DISP2: variants seen among roughly 807,000 people sequenced by gnomAD.
DISP2 encodes the protein dispatched RND transporter family member 2.
DISP2 carries 59 observed loss-of-function variants against 95.5 expected under a neutral mutation model. The observed-to-expected ratio is 0.62, with a 90% CI of 0.50 to 0.77. DISP2 has a LOEUF of 0.77. DISP2 is among the 30% of genes least tolerant of loss of function. The pLI, the probability that DISP2 is intolerant of heterozygous loss-of-function variation, is 0.00. For synonymous variants in DISP2, 827 were observed against 815.0 expected (o/e 1.01, Z -0.25); for missense variants, 1,752 against 1,854.6 (o/e 0.94, Z 1.02).
At position 40,358,426 on chromosome 15, in the gene DISP2, C is replaced by T; in HGVS notation, c.105C>T (p.Gly35=). The T allele has an allele frequency of 7.6e-7, 1 of 1,323,674 alleles. No homozygotes were observed. The highest frequency in any genetic ancestry group is 9.6e-7 in the Non-Finnish European group (1 of 1,037,000). The allele number at this position is 1,323,674 out of a possible 1,614,324, so 82.0% of individuals were successfully genotyped here. ...AGGGGGAGCCCTTGGCCCCAGACGG[C>T]GGCTCCCCGGACAGGTAGGGCGGAC... ...RPEGEPLAPD[G]GSPDSTQTKA... Residue 35 remains glycine, a synonymous_variant, in exon 1 of 8, where the codon GGC becomes GGT. Transcript: ENST00000267889.
rs1445107917 is a variant in DISP2 at position 40,368,377 on chromosome 15, G to A, written c.2265G>A (p.Gln755=). The change falls in exon 8 of 8, where the codon CAG becomes CAA. Residue 755 remains glutamine, a synonymous_variant. Coordinates refer to ENST00000267889, the MANE Select transcript of DISP2 (RefSeq NM_033510.3). ...AGCGCTTCGACGCGGAGTATCGCCA[G>A]CTGTTCCTGTTCGAGCAGCTGCCGC... ...PFERFDAEYR[Q]LFLFEQLPQG... The A allele has an allele frequency of 6.2e-7, 1 of 1,607,260 alleles. No homozygotes were observed. The highest frequency in any genetic ancestry group is 1.7e-5 in the Admixed American group (1 of 60,008).
Position 40,358,329 on chromosome 15 carries a change from G to C in DISP2, c.8G>C (p.Gly3Ala). The part of the protein sequence containing the change: MD[G>A]DSSSSSGGSG... ...GCGGTGCCGCCCACGGGCATGGACG[G>C]TGACAGCAGCAGCAGCAGCGGCGGC... is the stretch of plus-strand genomic sequence containing the variant. The change falls in exon 1 of 8, where the codon GGT becomes GCT. Residue 3 changes from glycine to alanine, a missense_variant. This residue lies in a region of DISP2 where 342 missense variants were observed against 364.3 expected (regional missense o/e 0.94). Coordinates refer to ENST00000267889, the MANE Select transcript of DISP2 (RefSeq NM_033510.3). 7.2e-7 allele frequency: 1 copy of C among 1,387,364 alleles called. No homozygotes were observed. 85.9% of individuals were successfully genotyped at this position (1,387,364 alleles called of 1,614,324 possible).
rs1257491089 is a variant in DISP2, at chr15:40,375,073, A to T, written c.*4755A>T. The T allele has an allele frequency of 6.6e-6, 1 of 152,222 alleles. No individual in the cohort carries two copies. The highest frequency in any genetic ancestry group is 1.5e-5 in the Non-Finnish European group (1 of 68,040). 9.4% of individuals were successfully genotyped at this position (152,222 alleles called of 1,614,324 possible). A position where few individuals can be genotyped will look rare whatever the true frequency, so the allele number is the denominator to read the frequency against. On this transcript the variant is annotated 3_prime_UTR_variant, in exon 8 of 8. Transcript: ENST00000267889. Reference sequence around the variant, plus strand: ...ACCCACACCCTTGTTCACAGGGATGACTGTAACTAAGGTCTGCAGGTATTT... The same window carrying T: ...ACCCACACCCTTGTTCACAGGGATGTCTGTAACTAAGGTCTGCAGGTATTT...
Position 40,370,258 on chromosome 15 carries a change from A to C in DISP2, c.4146A>C (p.Pro1382=). 1.9e-6 allele frequency: 3 copies of C among 1,570,444 alleles called. No homozygotes were observed. Among genetic ancestry groups the C allele is most frequent in the Non-Finnish European group, 2.6e-6 (3 of 1,158,656 alleles). Residue 1382 remains proline, a synonymous_variant, in exon 8 of 8, where the codon CCA becomes CCC. Coordinates refer to ENST00000267889, the MANE Select transcript of DISP2 (RefSeq NM_033510.3). ...CTGTGGTGCTGCCCAATAGCCAGCC[A>C]GACCTGCCAGATGTTTGGCTGCGCA... ...GSPVVLPNSQ[P]DLPDVWLRRP...
At chr15:40,359,706 G>T (rs73397383) in intron 1 of DISP2, among the ~76,000 whole-genome samples, 190 of 152,352 alleles carry the variant, frequency 1.2e-3, no homozygotes, top group African/African-American at 4.4e-3. Context: ...GGGGCCTCTG[G>T]CCCCTCTCTG....
At position 40,370,415 on chromosome 15, in the gene DISP2, C is replaced by G. The variant is rs1398169988; in HGVS notation, c.*97C>G. The G allele has an allele frequency of 2.7e-6, 4 of 1,483,642 alleles. No individual in the cohort carries two copies. In the South Asian group the frequency reaches 4.0e-5, roughly 15 times the overall value. 91.9% of individuals were successfully genotyped at this position (1,483,642 alleles called of 1,614,324 possible). On this transcript the variant is annotated 3_prime_UTR_variant, in exon 8 of 8. Transcript: ENST00000267889. ...GGAGCCCGAAGGTATTTCTCCAGAT[C>G]CACAGGGAGAGGTCTCACCCTCCAG...
In DISP2 at chr15:40,374,014, A is replaced by AAAAAAAAAAAAAAAAATATAT; in HGVS notation, c.*3697_*3698insAAAAAAAAAAAAAAATATATA. 3 of 104,204 alleles carry AAAAAAAAAAAAAAAAATATAT rather than the reference A, an allele frequency of 2.9e-5. No individual in the cohort carries two copies. Among genetic ancestry groups the AAAAAAAAAAAAAAAAATATAT allele is most frequent in the East Asian group, 4.9e-4 (2 of 4,050 alleles). 6.5% of individuals were successfully genotyped at this position (104,204 alleles called of 1,614,324 possible). On this transcript the variant is annotated 3_prime_UTR_variant, in exon 8 of 8. Coordinates refer to ENST00000267889, the MANE Select transcript of DISP2 (RefSeq NM_033510.3). ...GCGAGACTCCATCTTAAAAAAAAAA[A>AAAAAAAAAAAAAAAAATATAT]ATATATATATATATATATGTAAACT...
At position 40,367,893 on chromosome 15, in the gene DISP2, T is replaced by C; in HGVS notation, c.1781T>C (p.Leu594Pro). 2.5e-6 allele frequency: 4 copies of C among 1,598,732 alleles called. No individual in the cohort carries two copies. Among genetic ancestry groups the C allele is most frequent in the Non-Finnish European group, 2.5e-6 (3 of 1,179,480 alleles). The change falls in exon 8 of 8, where the codon CTG (leucine) becomes CCG (proline). Residue 594 changes from leucine to proline, a missense_variant. By Grantham distance (98) the Leu-to-Pro change is moderately conservative. Transcript: ENST00000267889. ...RTMHHFGYLL[L>P]VSGLTTSAAF... Reference sequence around the variant, plus strand: ...ATGCACCACTTCGGCTACCTGCTGCTGGTCTCCGGCCTCACCACGAGCGCG... The same window carrying C: ...ATGCACCACTTCGGCTACCTGCTGCCGGTCTCCGGCCTCACCACGAGCGCG...
At chr15:40,364,041 CCTTT>C in intron 2 of DISP2, 87 bp downstream of exon 2, 4 of 1,487,604 alleles carry the variant, frequency 2.7e-6, no homozygotes, top group Non-Finnish European at 2.7e-6. Context: ...GCTCTAGACT[CCTTT>C]CTTAGGAGGC....
intron 1 of DISP2, among the ~76,000 whole-genome samples, chr15:40,361,450 T>G (rs117562005): frequency 1.3e-5 from 2 of 152,194 alleles, no homozygotes; most frequent in Non-Finnish European, 2.9e-5. Flanking sequence ...ATATGTTACA[T>G]CAGTTAATTC....
intron 7 of DISP2, among the ~76,000 whole-genome samples, chr15:40,366,002 G>A (rs1889492602): frequency 6.6e-6 from 1 of 152,260 alleles, no homozygotes; most frequent in Non-Finnish European, 1.5e-5. Context: ...CTCCAGAGCG[G>A]GTGAGGAGGC....
rs777603444 is a variant in DISP2 at position 40,365,169 on chromosome 15, A to G, written c.742A>G (p.Arg248Gly). 2.5e-6 allele frequency: 4 copies of G among 1,613,946 alleles called. No homozygotes were observed. In the African/African-American group the frequency reaches 5.3e-5, roughly 22 times the overall value. Residue 248 changes from arginine to glycine, a missense_variant, in exon 6 of 8, where the codon AGG becomes GGG. By Grantham distance (125) the Arg-to-Gly change is moderately radical. Around this residue, in one of 5 missense-constraint regions of DISP2, gnomAD observed 342 missense variants for 364.3 expected, o/e 0.94. Coordinates refer to ENST00000267889, the MANE Select transcript of DISP2 (RefSeq NM_033510.3). ...LNSSSSHNTL[R>G]PAPRGSAQES... ...CAGCTCGAGCTCCCACAACACTCTG[A>G]GGCCTGCACCCAGAGGCAGTGCCCA...
Position 40,370,152 on chromosome 15 carries a change from C to G in DISP2, c.4040C>G (p.Thr1347Arg). The change falls in exon 8 of 8, where the codon ACA becomes AGA. Residue 1347 changes from threonine (T) to arginine (R), a missense_variant. Thr to Arg is a moderately conservative substitution (Grantham distance 71). Around this residue, in one of 5 missense-constraint regions of DISP2, gnomAD observed 347 missense variants for 344.2 expected, o/e 1.01. Transcript: ENST00000267889. ...ACCCTGTGGCTGGCGCTGAGGGAGA[C>G]AGTGTATGACCCATCATTGCCCGCT... ...RDTLWLALRE[T>R]VYDPSLPASH... is the part of the protein sequence containing the mutation. 1 of 1,609,544 alleles carries G rather than the reference C, an allele frequency of 6.2e-7. No individual in the cohort carries two copies. Among genetic ancestry groups the G allele is most frequent in the Non-Finnish European group, 8.5e-7 (1 of 1,177,560 alleles).
At position 40,363,905 on chromosome 15, in the gene DISP2, G is replaced by A. The variant is rs149658212; in HGVS notation, c.400G>A (p.Asp134Asn). 71 of 1,563,692 alleles carry A rather than the reference G, an allele frequency of 4.5e-5. No individual in the cohort carries two copies. In the African/African-American group the frequency reaches 5.4e-4, roughly 12 times the overall value. Residue 134 changes from aspartate (D) to asparagine (N), a missense_variant, in exon 2 of 8, where the codon GAT becomes AAT. Asp to Asn is a conservative substitution (Grantham distance 23). Around this residue, in one of 5 missense-constraint regions of DISP2, gnomAD observed 342 missense variants for 364.3 expected, o/e 0.94. Transcript: ENST00000267889. ...CCCTTCTCCAGCCCCCTCACAGCGC[G>A]ATGGGACCTGGAAGCCACCCGCTGT... ...LSPSPAPSQRDGTWKPPAVQH... is the reference protein window; with the variant it reads ...LSPSPAPSQRNGTWKPPAVQH...
At chr15:40,358,724 T>G (rs918686946) in intron 1 of DISP2, among the ~76,000 whole-genome samples, 1 of 151,968 alleles carries the variant, frequency 6.6e-6, no homozygotes, top group Non-Finnish European at 1.5e-5. Flanking sequence ...CAGGACTCCC[T>G]GGCTCCTCCG....
intron 6 of DISP2, 23 bp downstream of exon 6, chr15:40,365,297 C>T (rs1267077519): frequency 6.2e-7 from 1 of 1,612,174 alleles, no homozygotes; most frequent in South Asian, 1.1e-5. Flanking sequence ...CTGGCCAGTT[C>T]CTGGTTTTAA....
At position 40,371,059 on chromosome 15, in the gene DISP2, T is replaced by C. The variant is rs1443741704; in HGVS notation, c.*741T>C. 6.0e-6 allele frequency: 1 copy of C among 166,586 alleles called. No individual in the cohort carries two copies. The highest frequency in any genetic ancestry group is 2.4e-5 in the African/African-American group (1 of 42,082). The allele number at this position is 166,586 out of a possible 1,614,324, so 10.3% of individuals were successfully genotyped here. A position where few individuals can be genotyped will look rare whatever the true frequency, so the allele number is the denominator to read the frequency against. ...TAATAATCCTTTCCATCTCTGCACA[T>C]TTTAGTCTCCTTGGAATCTATCTCA... is the stretch of plus-strand genomic sequence containing the variant. On this transcript the variant is annotated 3_prime_UTR_variant, in exon 8 of 8. Coordinates refer to ENST00000267889, the MANE Select transcript of DISP2 (RefSeq NM_033510.3).
Position 40,378,526 on chromosome 15 carries a change from A to G in DISP2, c.*8208A>G, listed in dbSNP as rs1889759634. The G allele has an allele frequency of 6.6e-6, 1 of 152,212 alleles. No individual in the cohort carries two copies. Among genetic ancestry groups the G allele is most frequent in the Non-Finnish European group, 1.5e-5 (1 of 68,034 alleles). 9.4% of individuals were successfully genotyped at this position (152,212 alleles called of 1,614,324 possible). On this transcript the variant is annotated 3_prime_UTR_variant, in exon 8 of 8. Coordinates refer to ENST00000267889, the MANE Select transcript of DISP2 (RefSeq NM_033510.3). ...ATCTCAATAAAGCTGTTAAAATTGT[A>G]CTGAAACAAAACCATTGGGGGAAAC...
chr15:40,363,669 G>C lies in DISP2; in HGVS notation c.164G>C (p.Ser55Thr), dbSNP rs767168573. The C allele has an allele frequency of 3.2e-6, 5 of 1,580,092 alleles. No homozygotes were observed. The highest frequency in any genetic ancestry group is 3.4e-6 in the Non-Finnish European group (4 of 1,162,686). Reference protein sequence around the residue: ...AVPPEASPERSCSLHSCPLED... With the variant: ...AVPPEASPERTCSLHSCPLED... The stretch of plus-strand genomic sequence containing the variant: ...CCCCCTGAGGCAAGCCCAGAGAGAA[G>C]CTGCTCCCTCCACAGCTGCCCCCTG... Residue 55 changes from serine (S) to threonine (T), a missense_variant, in exon 2 of 8, where the codon AGC becomes ACC. Transcript: ENST00000267889.
Sources: allele counts gnomAD v4.1 joint callset (sites outside exome capture counted in the v4.1 genomes callset), GRCh38; gene constraint gnomAD v4.1.1; regional missense constraint gnomAD v4.1.1; transcripts MANE v1.5; gene names NCBI Gene and HGNC (gene_info 2026-07-23, HGNC 2026-07-21).